The following ST3GAL6 variants were observed in gnomAD, a reference collection of about 807,000 sequenced individuals.
ST3GAL6 encodes ST3 beta-galactoside alpha-2,3-sialyltransferase 6, also known as type 2 lactosamine alpha-2,3-sialyltransferase.
In ST3GAL6, 31 loss-of-function variants were observed where a neutral mutation model predicts 40.5. The observed-to-expected ratio is 0.77, with a 90% CI of 0.58 to 1.03. The LOEUF (loss-of-function observed/expected upper bound fraction) is 1.03, where lower values mean the gene tolerates loss of function less well. ST3GAL6 is among the 50% of genes least tolerant of loss of function. ST3GAL6 has a pLI of 0.00. For synonymous variants in ST3GAL6, 129 were observed against 136.9 expected, an observed-to-expected ratio of 0.94 and a Z score of 0.40; for missense variants, 357 against 393.2, an observed-to-expected ratio of 0.91 and a Z score of 0.78.
intron 1 of ST3GAL6, among the ~76,000 whole-genome samples, chr3:98,752,003 T>C (rs1048666128): frequency 3.3e-5 from 5 of 152,222 alleles, no homozygotes; most frequent in African/African-American, 1.2e-4. Context: ...GTATTTGTTT[T>C]CTAAGAATTT....
At chr3:98,784,636 C>G (rs969425665) in intron 5 of ST3GAL6, 7 of 245,888 alleles carry the variant, frequency 2.8e-5, no homozygotes, top group Non-Finnish European at 5.5e-5. Flanking sequence ...GATTTCTGAA[C>G]CTCTTTCTTC....
intron 1 of ST3GAL6, among the ~76,000 whole-genome samples, chr3:98,750,210 C>CT (rs1936892623): frequency 6.6e-6 from 1 of 152,176 alleles, no homozygotes; most frequent in Non-Finnish European, 1.5e-5. Context: ...GTTTTAAGTA[C>CT]TTTCCAAGCT....
At chr3:98,778,608 A>T (rs1015458713) in intron 5 of ST3GAL6, among the ~76,000 whole-genome samples, 5 of 152,220 alleles carry the variant, frequency 3.3e-5, no homozygotes, top group African/African-American at 1.2e-4. Flanking sequence ...AAAGGTATAG[A>T]AGTCTCAGTA....
At chr3:98,776,033 A>G (rs1018234579) in intron 5 of ST3GAL6, among the ~76,000 whole-genome samples, 3 of 152,232 alleles carry the variant, frequency 2.0e-5, no homozygotes, top group Non-Finnish European at 4.4e-5. Flanking sequence ...TTCAGTTAGC[A>G]TTGCTGAGTT....
chr3:98,744,992 C>A (rs988930605), intron 1 of ST3GAL6, among the ~76,000 whole-genome samples: 1 of 151,732 alleles, frequency 6.6e-6, no homozygotes, highest in Non-Finnish European at 1.5e-5. Context: ...ATTGAAAGAT[C>A]GTCTTTAAAC....
intron 6 of ST3GAL6, among the ~76,000 whole-genome samples, chr3:98,785,500 G>A (rs1940615923): frequency 6.6e-6 from 1 of 152,180 alleles, no homozygotes; most frequent in South Asian, 2.1e-4. Flanking sequence ...AGCAGTCCAG[G>A]CAGAAAGGAT....
chr3:98,754,599 T>C (rs187655885), intron 1 of ST3GAL6, among the ~76,000 whole-genome samples: 67 of 152,332 alleles, frequency 4.4e-4, no homozygotes, highest in Admixed American at 4.1e-3. Context: ...AAAGAAGTTC[T>C]GTGGCTAAAA....
chr3:98,764,719 C>G (rs1230099932), intron 1 of ST3GAL6, among the ~76,000 whole-genome samples: 2 of 152,180 alleles, frequency 1.3e-5, no homozygotes, highest in Non-Finnish European at 2.9e-5. Context: ...TGGTTTCCTC[C>G]TCTACAAAAT....
At chr3:98,765,302 G>T (rs1267349745) in intron 1 of ST3GAL6, among the ~76,000 whole-genome samples, 1 of 152,146 alleles carries the variant, frequency 6.6e-6, no homozygotes, top group African/African-American at 2.4e-5. Flanking sequence ...ACCAGGAATG[G>T]AACTCTGAGA....
In ST3GAL6 at chr3:98,793,747, T is replaced by C. The variant is rs751771670; in HGVS notation, c.982T>C (p.Leu328=). The C allele has an allele frequency of 6.2e-7, 1 of 1,600,990 alleles. No individual in the cohort carries two copies. Among genetic ancestry groups the C allele is most frequent in the Admixed American group, 1.7e-5 (1 of 58,014 alleles). ...DIIEKNLVIN[L]TQD ...TATAGAAAAAAACCTCGTAATCAACTTGACTCAAGATTGACTCTACAGACT... is the reference window on the plus strand; with the variant it reads ...TATAGAAAAAAACCTCGTAATCAACCTGACTCAAGATTGACTCTACAGACT... The change falls in exon 10 of 10, where the codon TTG becomes CTG. Residue 328 remains leucine (L), a synonymous_variant. Transcript: ENST00000483910.
At chr3:98,770,796 T>G in intron 2 of ST3GAL6, 83 bp from the exon 3 acceptor site, 4 of 1,186,566 alleles carry the variant, frequency 3.4e-6, no homozygotes, top group Non-Finnish European at 5.0e-6. Context: ...AGTGGTGGCA[T>G]GAATGAGTTC....
At chr3:98,753,220 T>G (rs1019698321) in intron 1 of ST3GAL6, among the ~76,000 whole-genome samples, 4 of 152,210 alleles carry the variant, frequency 2.6e-5, no homozygotes, top group Admixed American at 6.5e-5. Flanking sequence ...AGAGTATTAG[T>G]GGTCTGAATA....
At chr3:98,746,802 T>A (rs1936595493) in intron 1 of ST3GAL6, among the ~76,000 whole-genome samples, 2 of 152,220 alleles carry the variant, frequency 1.3e-5, no homozygotes, top group South Asian at 4.1e-4. Flanking sequence ...TACATTCATA[T>A]AATCACATCA....
intron 1 of ST3GAL6, among the ~76,000 whole-genome samples, chr3:98,740,567 T>A (rs952661773): frequency 6.6e-6 from 1 of 152,174 alleles, no homozygotes; most frequent in Non-Finnish European, 1.5e-5. Flanking sequence ...ACGTGTTCAG[T>A]TTCCAGCTTC....
chr3:98,791,424 C>T (rs1056901619), intron 8 of ST3GAL6, among the ~76,000 whole-genome samples: 6 of 152,132 alleles, frequency 3.9e-5, no homozygotes, highest in Admixed American at 1.3e-4. Flanking sequence ...TGATTCCATC[C>T]GTTTGTGAAT....
At chr3:98,746,973 C>T (rs1936608275) in intron 1 of ST3GAL6, among the ~76,000 whole-genome samples, 2 of 152,306 alleles carry the variant, frequency 1.3e-5, no homozygotes, top group East Asian at 3.9e-4. Context: ...CACTTCAAGA[C>T]TAAAGACCAG....
chr3:98,790,456 A>C (rs1017287019), intron 8 of ST3GAL6, among the ~76,000 whole-genome samples: 2 of 152,178 alleles, frequency 1.3e-5, no homozygotes, highest in Admixed American at 6.6e-5. Context: ...TAAAAAAATA[A>C]AGATTAACTA....
intron 1 of ST3GAL6, among the ~76,000 whole-genome samples, chr3:98,753,424 A>G (rs184098960): frequency 4.6e-5 from 7 of 152,362 alleles, no homozygotes; most frequent in Admixed American, 3.3e-4. Flanking sequence ...GCAACAAGTT[A>G]TCCAGATCTA....
chr3:98,775,474 C>A (rs1311703010), intron 5 of ST3GAL6, among the ~76,000 whole-genome samples: 581 of 124,678 alleles, frequency 4.7e-3, no homozygotes, highest in East Asian at 6.0e-3. Flanking sequence ...GACTTCGTCT[C>A]AAAAAAAAAA....
Sources: allele counts gnomAD v4.1 joint callset (sites outside exome capture counted in the v4.1 genomes callset), GRCh38; gene constraint gnomAD v4.1.1; transcripts MANE v1.5; gene names NCBI Gene and HGNC (gene_info 2026-07-23, HGNC 2026-07-21).